C9orf43: variants seen among roughly 807,000 people sequenced by gnomAD.
C9orf43 encodes chromosome 9 open reading frame 43, also known as uncharacterized protein C9orf43.
A neutral mutation model predicts 59.1 loss-of-function variants in C9orf43; 45 were observed. The observed-to-expected ratio is 0.76, with a 90% CI of 0.60 to 0.98. The LOEUF is 0.98. Ranked by LOEUF, C9orf43 falls within the 50% of genes least tolerant of loss-of-function variation. The pLI is 0.00. For missense variants in C9orf43, 533 were observed against 554.9 expected (o/e 0.96, Z 0.40); for synonymous variants, 203 against 196.8 (o/e 1.03, Z -0.26).
chr9:113,425,760 G>A, intron 11 of C9orf43, 30 bp downstream of exon 11: 2 of 1,560,930 alleles, frequency 1.3e-6, no homozygotes, highest in Non-Finnish European at 1.8e-6. Context: ...GGTTGGGGGT[G>A]ATAGGATCCC....
intron 5 of C9orf43, among the ~76,000 whole-genome samples, chr9:113,421,773 T>G (rs187458544): frequency 1.3e-5 from 2 of 152,354 alleles, no homozygotes; most frequent in African/African-American, 2.4e-5. Context: ...GAATTTCTTT[T>G]TATTTCTTTT....
In C9orf43 at chr9:113,425,643, G is replaced by A. The variant is rs781250277; in HGVS notation, c.943G>A (p.Glu315Lys). The A allele has an allele frequency of 1.2e-6, 2 of 1,613,850 alleles. No homozygotes were observed. The highest frequency in any genetic ancestry group is 4.5e-5 in the East Asian group (2 of 44,882). ...TTGTTCCTCCTGATGTGGGTTTCAG[G>A]AGGCTAAAAAGAAAGCCAAGAGTGA... ...KKVKTPIKKQ[E>K]AKKKAKSDPG... Residue 315 changes from glutamate to lysine, a missense_variant and splice_region_variant, in exon 11 of 14, where the codon GAG (glutamate) becomes AAG (lysine). Coordinates refer to ENST00000374165, the MANE Select transcript of C9orf43 (RefSeq NM_001278629.2).
At chr9:113,418,490 C>T (rs551658007) in intron 3 of C9orf43, among the ~76,000 whole-genome samples, 4 of 152,328 alleles carry the variant, frequency 2.6e-5, no homozygotes, top group Non-Finnish European at 4.4e-5. Flanking sequence ...CGTATACATA[C>T]ATACCAATGG....
chr9:113,420,951 GT>G (rs1270199623), intron 4 of C9orf43, 151 bp from the exon 5 acceptor site: 92 of 830,712 alleles, frequency 1.1e-4, no homozygotes, highest in Middle Eastern at 3.6e-4. Context: ...GGAGTAGTCT[GT>G]TTTTTTTGGG....
intron 11 of C9orf43, among the ~76,000 whole-genome samples, chr9:113,426,153 C>T (rs1023419816): frequency 6.6e-6 from 1 of 152,174 alleles, no homozygotes; most frequent in African/African-American, 2.4e-5. Flanking sequence ...AAGCAGAGCT[C>T]TGGGGCCCCC....
At position 113,421,066 on chromosome 9, in the gene C9orf43, C is replaced by T. The variant is rs760969475; in HGVS notation, c.346-37C>T. The stretch of plus-strand genomic sequence containing the variant: ...CTTAATCTGATATAGGAGCTTAGCA[C>T]CTCAAGCCATACATAGGCTTTATAT... On this transcript the variant is annotated intron_variant, in intron 4 of 13. Transcript: ENST00000374165. 4 of 1,502,288 alleles carry T rather than the reference C, an allele frequency of 2.7e-6. 1 individual carries two copies. The highest frequency in any genetic ancestry group is 2.3e-5 in the South Asian group (2 of 88,794). The allele number at this position is 1,502,288 out of a possible 1,614,324, so 93.1% of individuals were successfully genotyped here.
chr9:113,425,328 G>A lies in C9orf43; in HGVS notation c.866-16G>A. On this transcript the variant is annotated splice_polypyrimidine_tract_variant and intron_variant, in intron 9 of 13. Transcript: ENST00000374165. ...GGGCTGTTAGAAGAGGATCAAGCTG[G>A]CTCTCTGGTCACCAGGTTACAGGAA... 1 of 1,613,732 alleles carries A rather than the reference G, an allele frequency of 6.2e-7. No individual in the cohort carries two copies. The highest frequency in any genetic ancestry group is 8.5e-7 in the Non-Finnish European group (1 of 1,179,936).
At chr9:113,422,508 G>C in intron 5 of C9orf43, 41 bp from the exon 6 acceptor site, 1 of 1,610,600 alleles carries the variant, frequency 6.2e-7, no homozygotes. Flanking sequence ...AAGTCCAGCT[G>C]AGAAGCATGT....
At position 113,425,647 on chromosome 9, in the gene C9orf43, C is replaced by T; in HGVS notation, c.947C>T (p.Ala316Val). The T allele has an allele frequency of 1.2e-6, 2 of 1,614,004 alleles. No individual in the cohort carries two copies. The highest frequency in any genetic ancestry group is 1.7e-6 in the Non-Finnish European group (2 of 1,179,918). Reference protein sequence around the residue: ...KVKTPIKKQEAKKKAKSDPGI... With the variant: ...KVKTPIKKQEVKKKAKSDPGI... ...TCCTCCTGATGTGGGTTTCAGGAGG[C>T]TAAAAAGAAAGCCAAGAGTGATCCA... The change falls in exon 11 of 14, where the codon GCT (alanine) becomes GTT (valine). Residue 316 changes from alanine (A) to valine (V), a missense_variant. Ala to Val is a moderately conservative substitution (Grantham distance 64). Transcript: ENST00000374165.
In C9orf43 at chr9:113,428,210, C is replaced by A; in HGVS notation, c.1094C>A (p.Thr365Asn). ...CAGCAGCAGCAGATGGAAAAAGGAA[C>A]CACTTCGAAACAGGTGAGAGTGTAC... Reference protein sequence around the residue: ...MKQQQQMEKGTTSKQDSTERP... With the variant: ...MKQQQQMEKGNTSKQDSTERP... Residue 365 changes from threonine (T) to asparagine (N), a missense_variant, in exon 12 of 14, where the codon ACC becomes AAC. Thr to Asn is a moderately conservative substitution (Grantham distance 65, BLOSUM62 0). Coordinates refer to ENST00000374165, the MANE Select transcript of C9orf43 (RefSeq NM_001278629.2). 1 of 1,614,172 alleles carries A rather than the reference C, an allele frequency of 6.2e-7. No individual in the cohort carries two copies. The highest frequency in any genetic ancestry group is 1.3e-5 in the African/African-American group (1 of 75,046).
At chr9:113,420,679 C>T in intron 4 of C9orf43, 1 of 774,590 alleles carries the variant, frequency 1.3e-6, no homozygotes. Context: ...TAATTGTAGT[C>T]AGACTGTAAA....
At chr9:113,420,901 T>C in intron 4 of C9orf43, 1 of 511,610 alleles carries the variant, frequency 2.0e-6, no homozygotes, top group South Asian at 8.4e-5. Flanking sequence ...TATCTGCTTA[T>C]TAATACTCAC....
At chr9:113,423,193 G>GC in intron 6 of C9orf43, 133 bp from the exon 7 acceptor site, 1 of 707,148 alleles carries the variant, frequency 1.4e-6, no homozygotes, top group Non-Finnish European at 2.3e-6. Context: ...ACATGTGGCG[G>GC]CCCTCATCGT....
In C9orf43 at chr9:113,423,499, G is replaced by A. The variant is rs1828669010; in HGVS notation, c.656+1G>A. On this transcript the variant is annotated splice_donor_variant, in intron 7 of 13. Coordinates refer to ENST00000374165, the MANE Select transcript of C9orf43 (RefSeq NM_001278629.2). LOFTEE classifies it high-confidence loss of function. Reference sequence around the variant, plus strand: ...CGTTACCTCAGGATCTACTGAAGGAGTAAGTATCATGTAGGTCTGTGGGAG... The same window carrying A: ...CGTTACCTCAGGATCTACTGAAGGAATAAGTATCATGTAGGTCTGTGGGAG... 1.9e-6 allele frequency: 3 copies of A among 1,612,094 alleles called. No individual in the cohort carries two copies. In the East Asian group the frequency reaches 6.7e-5, roughly 36 times the overall value.
chr9:113,424,069 T>C (rs1418713899), intron 7 of C9orf43, 97 bp from the exon 8 acceptor site: 11 of 1,433,044 alleles, frequency 7.7e-6, no homozygotes, highest in Admixed American at 2.4e-5. Context: ...AGACCCAAAG[T>C]GGAAATTTCT....
intron 7 of C9orf43, among the ~76,000 whole-genome samples, chr9:113,423,863 A>T (rs1828681637): frequency 6.6e-6 from 1 of 152,210 alleles, no homozygotes; most frequent in African/African-American, 2.4e-5. Context: ...AACTGGCTAT[A>T]TGAATTTTGG....
At chr9:113,425,139 C>G (rs186682268) in intron 9 of C9orf43, 63 bp downstream of exon 9, 1 of 1,535,130 alleles carries the variant, frequency 6.5e-7, no homozygotes, top group African/African-American at 1.4e-5. Context: ...ATTTCTCATA[C>G]TTTAACGTGG....
At chr9:113,411,138 G>C (rs1351616366) in intron 1 of C9orf43, 137 bp downstream of exon 1, 1 of 984,690 alleles carries the variant, frequency 1.0e-6, no homozygotes, top group African/African-American at 1.7e-5. Context: ...GGACTGGGCA[G>C]GTAACGAAAG....
intron 6 of C9orf43, among the ~76,000 whole-genome samples, chr9:113,423,002 G>C (rs975042796): frequency 3.3e-5 from 5 of 152,272 alleles, no homozygotes; most frequent in Non-Finnish European, 5.9e-5. Flanking sequence ...GTAGTGTCTT[G>C]GTTCATTTTG....
Sources: gnomAD v4.1 joint callset for allele counts (sites outside exome capture counted in the v4.1 genomes callset) on GRCh38, gnomAD v4.1.1 for gene constraint, MANE v1.5 for transcripts, NCBI Gene and HGNC (gene_info 2026-07-23, HGNC 2026-07-21) for gene names.